Variants in CNTN1 observed in about 807,000 individuals in gnomAD.
CNTN1 encodes contactin-1.
CNTN1 carries 38 observed loss-of-function variants against 126.4 expected under a neutral mutation model. That is an observed-to-expected ratio of 0.30 (90% CI 0.23 to 0.39). The LOEUF is 0.39. Among genes scored for constraint, CNTN1 ranks in the 10% least tolerant of loss-of-function variants. The pLI is 1.00. For synonymous variants in CNTN1, 413 were observed against 422.6 expected, an observed-to-expected ratio of 0.98 and a Z score of 0.28; for missense variants, 1,009 against 1,248.4, an observed-to-expected ratio of 0.81 and a Z score of 2.89.
rs1481649809 is a variant in CNTN1 at position 40,872,591 on chromosome 12, G to C, written c.-76-35766G>C. On this transcript the variant is annotated intron_variant, in intron 1 of 23. Transcript: ENST00000551295. Reference sequence around the variant, plus strand: ...TCTTTCTTTTTTTTTTTTTTTTTTTGAGATGGAGTCTGGCTGTCACCCAGG... The same window carrying C: ...TCTTTCTTTTTTTTTTTTTTTTTTTCAGATGGAGTCTGGCTGTCACCCAGG... 8.4e-4 allele frequency among the ~76,000 whole-genome samples: 14 copies of C among 16,744 alleles called. No individual in the cohort carries two copies. In the East Asian group the frequency reaches 0.017, roughly 21 times the overall value. The allele number at this position is 16,744 out of a possible 152,430, so 11.0% of individuals were successfully genotyped here. A position where few individuals can be genotyped will look rare whatever the true frequency, so the allele number is the denominator to read the frequency against.
chr12:40,740,562 T>C lies in CNTN1; in HGVS notation c.-77+47970T>C, dbSNP rs1241685875. On this transcript the variant is annotated intron_variant, in intron 1 of 23. Coordinates refer to ENST00000551295, the MANE Select transcript of CNTN1 (RefSeq NM_001843.4). ...CATGGTAACATGGAATAAAAGACAA[T>C]TTAGGGCCCAGCCTTGGCCTCCCTC... 2.6e-5 allele frequency among the ~76,000 whole-genome samples: 4 copies of C among 152,224 alleles called. No individual in the cohort carries two copies. In the East Asian group the frequency reaches 7.7e-4, roughly 29 times the overall value.
intron 1 of CNTN1, among the ~76,000 whole-genome samples, chr12:40,727,898 G>T (rs568467755): frequency 6.6e-6 from 1 of 152,326 alleles, no homozygotes; most frequent in South Asian, 2.1e-4. Context: ...CTGAAGTCTA[G>T]TCTCAGTCAC....
chr12:40,906,546 C>T (rs67045212), intron 1 of CNTN1, among the ~76,000 whole-genome samples: 80,609 of 151,726 alleles, frequency 0.53, 21,802 homozygotes, highest in African/African-American at 0.61. Flanking sequence ...ATATTTTTCT[C>T]TGACATAATA....
chr12:40,722,074 A>T (rs947589071), intron 1 of CNTN1, among the ~76,000 whole-genome samples: 1 of 152,138 alleles, frequency 6.6e-6, no homozygotes. Flanking sequence ...CGTGGGGAAC[A>T]ACAGGCTTCT....
chr12:41,056,721 A>G (rs904416270), intron 23 of CNTN1, among the ~76,000 whole-genome samples: 23 of 151,730 alleles, frequency 1.5e-4, no homozygotes, highest in Non-Finnish European at 2.9e-5. Flanking sequence ...AACTCAGATT[A>G]CTTTCTTTTA....
intron 1 of CNTN1, chr12:40,763,031 C>T (rs1938927500): frequency 1.3e-5 from 2 of 152,182 alleles, no homozygotes. Flanking sequence ...TCTGTTAGTT[C>T]ATGTGAGAGC....
chr12:40,784,188 C>T (rs1034796161), intron 1 of CNTN1, among the ~76,000 whole-genome samples: 3 of 152,048 alleles, frequency 2.0e-5, no homozygotes, highest in African/African-American at 7.2e-5. Context: ...GAATTTAGAC[C>T]TGCATTTGTC....
At chr12:40,766,817 G>A (rs1207380339) in intron 1 of CNTN1, among the ~76,000 whole-genome samples, 1 of 152,162 alleles carries the variant, frequency 6.6e-6, no homozygotes, top group Non-Finnish European at 1.5e-5. Flanking sequence ...GTCAGGCAAG[G>A]TTGTGACTGC....
intron 1 of CNTN1, among the ~76,000 whole-genome samples, chr12:40,774,557 A>G (rs1321586837): frequency 6.6e-6 from 1 of 151,712 alleles, no homozygotes; most frequent in Non-Finnish European, 1.5e-5. Context: ...GTGATTGTCA[A>G]CTTTCATGAA....
chr12:41,043,534 C>G (rs1592451772), intron 23 of CNTN1, among the ~76,000 whole-genome samples: 1 of 152,230 alleles, frequency 6.6e-6, no homozygotes, highest in East Asian at 1.9e-4. Context: ...AATAGGAACA[C>G]TTTTACACTG....
chr12:40,717,975 G>A lies in CNTN1; in HGVS notation c.-77+25383G>A, dbSNP rs372731392. 6.6e-5 allele frequency among the ~76,000 whole-genome samples: 10 copies of A among 152,100 alleles called. No homozygotes were observed. In the East Asian group the frequency reaches 1.5e-3, roughly 23 times the overall value. ...AGAAGAAAGATTCTAAATTTTAATTGAATGACTTAAAAGTAGATTAAGTTT... is the reference window on the plus strand; with the variant it reads ...AGAAGAAAGATTCTAAATTTTAATTAAATGACTTAAAAGTAGATTAAGTTT... On this transcript the variant is annotated intron_variant, in intron 1 of 23. Coordinates refer to ENST00000551295, the MANE Select transcript of CNTN1 (RefSeq NM_001843.4).
At chr12:40,925,629 A>ATATATACGTG (rs1945641834) in intron 6 of CNTN1, among the ~76,000 whole-genome samples, 2 of 145,294 alleles carry the variant, frequency 1.4e-5, no homozygotes, top group Non-Finnish European at 3.0e-5. Flanking sequence ...ATATACACAT[A>ATATATACGTG]TATATATATA....
intron 1 of CNTN1, among the ~76,000 whole-genome samples, chr12:40,704,111 A>C (rs1941673349): frequency 6.6e-6 from 1 of 151,996 alleles, no homozygotes. Context: ...GAAGAGCAGA[A>C]AAAGAAAGTT....
chr12:40,958,351 ATG>A (rs34419027), intron 14 of CNTN1, among the ~76,000 whole-genome samples: 35,797 of 146,594 alleles, frequency 0.24, 5,205 homozygotes, highest in African/African-American at 0.42. Context: ...GTGTGTATAT[ATG>A]TGTGTGTGTG....
intron 1 of CNTN1, among the ~76,000 whole-genome samples, chr12:40,753,443 T>C (rs1938478204): frequency 6.6e-6 from 1 of 151,736 alleles, no homozygotes; most frequent in Non-Finnish European, 1.5e-5. Flanking sequence ...AAAAAAGAGG[T>C]TTAATAGACT....
intron 1 of CNTN1, among the ~76,000 whole-genome samples, chr12:40,760,674 C>G (rs966517638): frequency 6.6e-6 from 1 of 151,780 alleles, no homozygotes; most frequent in African/African-American, 2.4e-5. Flanking sequence ...TCTAATTACC[C>G]AAAATATTTA....
chr12:40,693,810 T>TCC (rs1941371497), intron 1 of CNTN1, among the ~76,000 whole-genome samples: 1 of 152,162 alleles, frequency 6.6e-6, no homozygotes, highest in Non-Finnish European at 1.5e-5. Flanking sequence ...AATTCTCCAT[T>TCC]GGGGGAAAAG....
At position 40,722,527 on chromosome 12, in the gene CNTN1, G is replaced by GT. The variant is rs563944271; in HGVS notation, c.-77+29936dup. 1.1e-3 allele frequency among the ~76,000 whole-genome samples: 173 copies of GT among 152,180 alleles called. 1 individual carries two copies. The highest frequency in any genetic ancestry group is 4.0e-3 in the African/African-American group (168 of 41,520). The stretch of plus-strand genomic sequence containing the variant: ...AGCCACTTGTAGTTTATTGAGATTC[G>GT]TGACAGTAAACTCCACTCTCAAACA... On this transcript the variant is annotated intron_variant, in intron 1 of 23. Coordinates refer to ENST00000551295, the MANE Select transcript of CNTN1 (RefSeq NM_001843.4).
In CNTN1 at chr12:40,889,137, A is replaced by G. The variant is rs553640698; in HGVS notation, c.-76-19220A>G. ...TGCTGCCTTGGGAAATTCACTTCCT[A>G]TCTGTATACCTGTATTTATAGTGGG... is the stretch of plus-strand genomic sequence containing the variant. On this transcript the variant is annotated intron_variant, in intron 1 of 23. Transcript: ENST00000551295. Among the ~76,000 whole-genome samples, 4 of 152,368 alleles carry G rather than the reference A, an allele frequency of 2.6e-5. No homozygotes were observed. The East Asian group carries it at 7.7e-4, about 29-fold the overall frequency.
Sources: allele counts gnomAD v4.1 joint callset (sites outside exome capture counted in the v4.1 genomes callset), GRCh38; gene constraint gnomAD v4.1.1; transcripts MANE v1.5; gene names NCBI Gene and HGNC (gene_info 2026-07-23, HGNC 2026-07-21).